TRERF1: variants seen among roughly 807,000 people sequenced by gnomAD.
The protein encoded by TRERF1 is transcriptional regulating factor 1, also known as transcriptional-regulating factor 1.
A neutral mutation model predicts 122.9 loss-of-function variants in TRERF1; 27 were observed. The observed-to-expected ratio is 0.22, with a 90% confidence interval of 0.16 to 0.30. The LOEUF (loss-of-function observed/expected upper bound fraction) is 0.30, where lower values mean the gene tolerates loss of function less well. Ranked by LOEUF, TRERF1 falls within the 10% of genes least tolerant of loss-of-function variation. The probability of loss-of-function intolerance (pLI) is 1.00; values close to 1 mark genes in which losing one functional copy is unlikely to be tolerated. For missense variants in TRERF1, 1,248 were observed against 1,560.3 expected (o/e 0.80, Z 3.37); for synonymous variants, 636 against 641.7 (o/e 0.99, Z 0.13).
intron 2 of TRERF1, among the ~76,000 whole-genome samples, chr6:42,397,289 A>G (rs1778757823): frequency 1.3e-5 from 2 of 152,224 alleles, no homozygotes; most frequent in African/African-American, 4.8e-5. Flanking sequence ...CAACAGCCTC[A>G]GGCACTTTCC....
intron 3 of TRERF1, among the ~76,000 whole-genome samples, chr6:42,360,115 T>C (rs1437231421): frequency 6.6e-6 from 1 of 152,270 alleles, no homozygotes; most frequent in South Asian, 2.1e-4. Flanking sequence ...GTGACAATAT[T>C]TGGCAATATA....
intron 13 of TRERF1, among the ~76,000 whole-genome samples, chr6:42,254,172 C>T (rs894944732): frequency 1.3e-5 from 2 of 152,172 alleles, no homozygotes; most frequent in Non-Finnish European, 2.9e-5. Context: ...ACATACAAAA[C>T]CCTGCGTGTA....
At chr6:42,325,567 T>C (rs995582675) in intron 3 of TRERF1, among the ~76,000 whole-genome samples, 3 of 152,162 alleles carry the variant, frequency 2.0e-5, no homozygotes, top group African/African-American at 4.8e-5. Flanking sequence ...TGGAATGCTA[T>C]GCAGCCATAA....
intron 16 of TRERF1, 84 bp downstream of exon 16, chr6:42,236,121 C>T (rs1434739973): frequency 1.7e-5 from 25 of 1,485,706 alleles, no homozygotes; most frequent in East Asian, 4.7e-5. Flanking sequence ...AGAGCACTCT[C>T]GAAAATACAT....
At chr6:42,262,234 C>T (rs1006206550) in intron 8 of TRERF1, among the ~76,000 whole-genome samples, 7 of 152,074 alleles carry the variant, frequency 4.6e-5, no homozygotes, top group African/African-American at 4.8e-5. Context: ...CTTGATATTA[C>T]ACCATAAAGG....
Position 42,323,007 on chromosome 6 carries a change from A to C in TRERF1, c.-370-22258T>G, listed in dbSNP as rs186215762. Among the ~76,000 whole-genome samples the C allele has an allele frequency of 7.6e-4, 116 of 152,086 alleles. 1 individual carries two copies. The highest frequency in any genetic ancestry group is 1.5e-5 in the Non-Finnish European group (1 of 67,976). On this transcript the variant is annotated intron_variant, in intron 3 of 17. Transcript: ENST00000372922. ...AGGGGGTGGGGGGCAAGCAGAGGAT[A>C]ACTAGCACCTATTCTCACACTCTCC...
At chr6:42,419,098 C>T (rs911080624) in intron 2 of TRERF1, among the ~76,000 whole-genome samples, 2 of 152,278 alleles carry the variant, frequency 1.3e-5, no homozygotes, top group South Asian at 2.1e-4. Context: ...CAGGATGGCC[C>T]GTGCCAGAGA....
chr6:42,243,879 CT>C (rs34858601), intron 14 of TRERF1, among the ~76,000 whole-genome samples: 1,482 of 123,318 alleles, frequency 0.012, 24 homozygotes, highest in African/African-American at 0.038. Flanking sequence ...TGCGCCCAGC[CT>C]TTTTTTTTTT....
intron 4 of TRERF1, among the ~76,000 whole-genome samples, 160 bp downstream of exon 4, chr6:42,300,478 A>G (rs534395879): frequency 5.1e-4 from 78 of 152,332 alleles, no homozygotes; most frequent in African/African-American, 1.7e-3. Flanking sequence ...CAAAATGAGC[A>G]CACTTTAATC....
At chr6:42,377,788 G>A (rs1334923081) in intron 2 of TRERF1, among the ~76,000 whole-genome samples, 6 of 152,198 alleles carry the variant, frequency 3.9e-5, no homozygotes, top group South Asian at 2.1e-4. Context: ...AATTCCTTCC[G>A]AGGGAATGTT....
At chr6:42,436,480 A>G (rs1393974404) in intron 2 of TRERF1, among the ~76,000 whole-genome samples, 1 of 152,134 alleles carries the variant, frequency 6.6e-6, no homozygotes, top group Admixed American at 6.5e-5. Context: ...AAAGCATAAT[A>G]TCATAGCTAA....
At chr6:42,372,894 G>A (rs1488893459) in intron 2 of TRERF1, among the ~76,000 whole-genome samples, 1 of 152,206 alleles carries the variant, frequency 6.6e-6, no homozygotes, top group African/African-American at 2.4e-5. Flanking sequence ...CAGGCAAAGG[G>A]TAAGAGTGTG....
intron 8 of TRERF1, among the ~76,000 whole-genome samples, chr6:42,262,925 C>A (rs997454641): frequency 3.9e-5 from 6 of 152,102 alleles, no homozygotes; most frequent in African/African-American, 1.4e-4. Context: ...GGGGCCAGGG[C>A]CTGGGGCAAC....
At chr6:42,382,496 T>C (rs1776113184) in intron 2 of TRERF1, among the ~76,000 whole-genome samples, 1 of 151,116 alleles carries the variant, frequency 6.6e-6, no homozygotes, top group Non-Finnish European at 1.5e-5. Context: ...TCTCACAATC[T>C]GAAAAGTTAG....
At chr6:42,392,921 T>TACACACATACACAC (rs1432678209) in intron 2 of TRERF1, among the ~76,000 whole-genome samples, 1 of 42,960 alleles carries the variant, frequency 2.3e-5, no homozygotes, top group Non-Finnish European at 4.7e-5. Flanking sequence ...CACACACACA[T>TACACACATACACAC]ACACACACAT....
chr6:42,415,787 C>T (rs1781749158), intron 2 of TRERF1, among the ~76,000 whole-genome samples: 1 of 152,096 alleles, frequency 6.6e-6, no homozygotes, highest in Non-Finnish European at 1.5e-5. Context: ...TGTATCAGAG[C>T]TAGAACTTCC....
chr6:42,269,268 C>T lies in TRERF1; in HGVS notation c.323G>A (p.Trp108Ter), dbSNP rs764560358. 6.2e-7 allele frequency: 1 copy of T among 1,614,202 alleles called. No individual in the cohort carries two copies. The highest frequency in any genetic ancestry group is 8.5e-7 in the Non-Finnish European group (1 of 1,180,034). The change falls in exon 5 of 18, where the codon TGG (tryptophan) becomes TAG (stop). Residue 108 changes from tryptophan to a stop codon, truncating the protein, a stop_gained. Coordinates refer to ENST00000372922, the Ensembl canonical transcript of TRERF1. LOFTEE classifies it high-confidence loss of function. This position sits in a 1 kb window ranked among gnomAD's most constrained non-coding sequence, Gnocchi z 4.9. The stretch of plus-strand genomic sequence containing the variant: ...GGGCTCAGCCTGGGCTGGTGCCCCC[C>T]ACATCATGTTTGAGTTGGCCAGGTT...
intron 4 of TRERF1, among the ~76,000 whole-genome samples, chr6:42,280,379 C>A (rs912045562): frequency 8.5e-5 from 13 of 152,192 alleles, no homozygotes; most frequent in African/African-American, 2.9e-4. Context: ...GGATGGTGAG[C>A]CTCACTCAGG....
chr6:42,315,212 G>A (rs527881775), intron 3 of TRERF1, among the ~76,000 whole-genome samples: 3 of 152,308 alleles, frequency 2.0e-5, no homozygotes, highest in African/African-American at 4.8e-5. Flanking sequence ...TCTGTGTCAC[G>A]ACTAGGGAAG....
Sources: gnomAD v4.1 joint callset for allele counts (sites outside exome capture counted in the v4.1 genomes callset) on GRCh38, gnomAD v4.1.1 for gene constraint, Gnocchi (gnomAD v3.1) non-coding constraint, MANE v1.5 for transcripts, NCBI Gene and HGNC (gene_info 2026-07-23, HGNC 2026-07-21) for gene names.